FBXL4: variants seen among roughly 807,000 people sequenced by gnomAD.
FBXL4 encodes the protein F-box and leucine rich repeat protein 4.
In FBXL4, 40 loss-of-function variants were observed where a neutral mutation model predicts 58.9. The ratio of observed to expected loss-of-function variants is 0.68; its 90% CI spans 0.53 to 0.88. The LOEUF is 0.88. FBXL4 is among the 40% of genes least tolerant of loss of function. The pLI is 0.00. For missense variants in FBXL4, 676 were observed against 734.4 expected (o/e 0.92, Z 0.92); for synonymous variants, 263 against 265.5 (o/e 0.99, Z 0.09).
chr6:98,882,271 T>C (rs1356376965), intron 7 of FBXL4, among the ~76,000 whole-genome samples: 2 of 152,092 alleles, frequency 1.3e-5, no homozygotes, highest in Non-Finnish European at 2.9e-5. Context: ...TACATTGTTG[T>C]ATGGCTCCAT....
At chr6:98,936,440 A>T (rs1050484360) in intron 1 of FBXL4, among the ~76,000 whole-genome samples, 5 of 152,178 alleles carry the variant, frequency 3.3e-5, no homozygotes, top group Non-Finnish European at 7.3e-5. Flanking sequence ...ACAGGTTTGA[A>T]CTGTGTGGGT....
intron 2 of FBXL4, among the ~76,000 whole-genome samples, chr6:98,930,668 C>A (rs950866889): frequency 6.6e-6 from 1 of 152,110 alleles, no homozygotes; most frequent in African/African-American, 2.4e-5. Context: ...ATAACTTGAG[C>A]TCAGAAGTTC....
At chr6:98,888,853 A>G (rs1385801505) in intron 7 of FBXL4, among the ~76,000 whole-genome samples, 3 of 152,228 alleles carry the variant, frequency 2.0e-5, no homozygotes, top group Non-Finnish European at 2.9e-5. Context: ...AGTAGAATAC[A>G]TGTTCATAAA....
intron 5 of FBXL4, among the ~76,000 whole-genome samples, chr6:98,907,823 C>T (rs1771870834): frequency 1.3e-5 from 2 of 152,042 alleles, no homozygotes; most frequent in Admixed American, 1.3e-4. Context: ...TATCACAAAA[C>T]GCAGAGTAAC....
chr6:98,917,096 C>A (rs1213334615), intron 5 of FBXL4, among the ~76,000 whole-genome samples: 1 of 151,978 alleles, frequency 6.6e-6, no homozygotes, highest in East Asian at 1.9e-4. Context: ...TGGATTGTTA[C>A]TTATTACTGG....
chr6:98,873,194 T>G lies in FBXL4; in HGVS notation c.*1084A>C, dbSNP rs185162980. 6.8e-6 allele frequency: 1 copy of G among 148,078 alleles called. No individual in the cohort carries two copies. Among genetic ancestry groups the G allele is most frequent in the Non-Finnish European group, 1.5e-5 (1 of 67,284 alleles). 9.2% of individuals were successfully genotyped at this position (148,078 alleles called of 1,614,324 possible). A position where few individuals can be genotyped will look rare whatever the true frequency, so the allele number is the denominator to read the frequency against. ...TCCACACACCCTAGCAAGATATATA[T>G]CTCTCTCTATATAATATATATAATT... On this transcript the variant is annotated 3_prime_UTR_variant, in exon 10 of 10. Transcript: ENST00000369244.
intron 2 of FBXL4, among the ~76,000 whole-genome samples, chr6:98,929,314 G>C (rs867400568): frequency 5.3e-5 from 8 of 152,224 alleles, no homozygotes; most frequent in Middle Eastern, 6.8e-3. Context: ...GCTCACGCCT[G>C]TAATCCCAGC....
intron 5 of FBXL4, among the ~76,000 whole-genome samples, chr6:98,915,015 T>C (rs1002434439): frequency 1.1e-4 from 17 of 152,202 alleles, no homozygotes; most frequent in Non-Finnish European, 8.8e-5. Context: ...AGCATTCTTA[T>C]ACACCAATAA....
At chr6:98,889,678 CAAA>C (rs34182678) in intron 7 of FBXL4, among the ~76,000 whole-genome samples, 8 of 72,152 alleles carry the variant, frequency 1.1e-4, no homozygotes, top group Non-Finnish European at 1.2e-4. Flanking sequence ...CACCCTGTCT[CAAA>C]AAAAAAAAAA....
intron 3 of FBXL4, among the ~76,000 whole-genome samples, chr6:98,927,451 G>A (rs1582440648): frequency 1.3e-5 from 2 of 152,248 alleles, no homozygotes; most frequent in East Asian, 3.9e-4. Context: ...AGACATTGCT[G>A]TAATTTTACA....
intron 8 of FBXL4, among the ~76,000 whole-genome samples, chr6:98,877,272 C>A (rs576649556): frequency 6.6e-6 from 1 of 151,926 alleles, no homozygotes; most frequent in Admixed American, 6.6e-5. Flanking sequence ...TATACCTGAA[C>A]AATACAAAAC....
chr6:98,903,615 T>A (rs1325979162), intron 6 of FBXL4, among the ~76,000 whole-genome samples: 1 of 152,162 alleles, frequency 6.6e-6, no homozygotes, highest in African/African-American at 2.4e-5. Context: ...ATTACTAGTA[T>A]AAAAATTTTT....
At chr6:98,938,033 C>A (rs1027010490) in intron 1 of FBXL4, among the ~76,000 whole-genome samples, 4 of 141,814 alleles carry the variant, frequency 2.8e-5, no homozygotes, top group Admixed American at 2.2e-4. Flanking sequence ...TCCTCCTCCC[C>A]CTGCACCCTT....
intron 5 of FBXL4, among the ~76,000 whole-genome samples, chr6:98,911,583 ACC>A (rs1381434781): frequency 6.6e-6 from 1 of 152,188 alleles, no homozygotes; most frequent in Non-Finnish European, 1.5e-5. Flanking sequence ...TCCGGAGTGG[ACC>A]TCTAGCAAAC....
intron 8 of FBXL4, 139 bp from the exon 9 acceptor site, chr6:98,875,866 C>A: frequency 1.2e-6 from 1 of 805,018 alleles, no homozygotes; most frequent in South Asian, 1.6e-5. Context: ...ACAGATCTGC[C>A]CACTGACCTC....
At chr6:98,891,558 A>C (rs564769938) in intron 7 of FBXL4, among the ~76,000 whole-genome samples, 16 of 152,152 alleles carry the variant, frequency 1.1e-4, no homozygotes, top group African/African-American at 3.9e-4. Flanking sequence ...ATCAATTTGC[A>C]TAACAACCTA....
At chr6:98,901,691 T>C (rs1771618144) in intron 6 of FBXL4, among the ~76,000 whole-genome samples, 1 of 152,096 alleles carries the variant, frequency 6.6e-6, no homozygotes. Flanking sequence ...CATATCTACA[T>C]CCCAAGAGGG....
chr6:98,899,408 AG>A lies in FBXL4; in HGVS notation c.1176del (p.Leu393Ter). On this transcript the variant is annotated frameshift_variant, in exon 7 of 10. Transcript: ENST00000369244. LOFTEE classifies it high-confidence loss of function. ...GGACACATCTCAGAAATAACTTCTA[AG>A]CAAGTTTCATTAAGAAAGTGGCTGC... ...LSCSHFLNET[C>X]LEVISEMCPN... 2 of 1,614,004 alleles carry A rather than the reference AG, an allele frequency of 1.2e-6. No individual in the cohort carries two copies. Among genetic ancestry groups the A allele is most frequent in the Non-Finnish European group, 1.7e-6 (2 of 1,179,960 alleles).
intron 7 of FBXL4, among the ~76,000 whole-genome samples, chr6:98,893,672 G>A (rs1771310822): frequency 6.6e-6 from 1 of 152,084 alleles, no homozygotes; most frequent in Admixed American, 6.6e-5. Flanking sequence ...GGCAAATTAT[G>A]TCTTTCACTT....
Sources: allele counts gnomAD v4.1 joint callset (sites outside exome capture counted in the v4.1 genomes callset), GRCh38; gene constraint gnomAD v4.1.1; transcripts MANE v1.5; gene names NCBI Gene and HGNC (gene_info 2026-07-23, HGNC 2026-07-21).